Variants in TTC27 observed in about 807,000 individuals in gnomAD.
TTC27 encodes tetratricopeptide repeat domain 27, also known as tetratricopeptide repeat protein 27.
TTC27 carries 79 observed loss-of-function variants against 115.9 expected under a neutral mutation model. That is an observed-to-expected ratio of 0.68 (90% CI 0.57 to 0.82). TTC27 has a LOEUF of 0.82. TTC27 is among the 40% of genes least tolerant of loss of function. TTC27 has a pLI of 0.00. For synonymous variants in TTC27, 401 were observed against 356.0 expected, an observed-to-expected ratio of 1.13 and a Z score of -1.42; for missense variants, 1,054 against 993.1, an observed-to-expected ratio of 1.06 and a Z score of -0.82.
At chr2:32,818,899 T>C (rs1448643165) in intron 19 of TTC27, among the ~76,000 whole-genome samples, 2 of 152,170 alleles carry the variant, frequency 1.3e-5, no homozygotes, top group Non-Finnish European at 2.9e-5. Flanking sequence ...CTTACTTCAC[T>C]TTTCCTATTT....
chr2:32,778,097 G>T, intron 14 of TTC27, 117 bp downstream of exon 14: 1 of 888,610 alleles, frequency 1.1e-6, no homozygotes, highest in East Asian at 2.6e-5. Context: ...GTACATTTGA[G>T]GGAAGGTCGT....
chr2:32,668,846 G>A (rs575783449), intron 7 of TTC27, among the ~76,000 whole-genome samples: 1 of 152,010 alleles, frequency 6.6e-6, no homozygotes, highest in South Asian at 2.1e-4. Flanking sequence ...TTGGGAGGCC[G>A]AGGTGGACGG....
intron 5 of TTC27, among the ~76,000 whole-genome samples, chr2:32,662,020 G>T (rs1665566716): frequency 6.6e-6 from 1 of 152,164 alleles, no homozygotes; most frequent in South Asian, 2.1e-4. Flanking sequence ...CATCTATTGA[G>T]ATAATCTTAT....
At chr2:32,651,670 A>G (rs1294308582) in intron 5 of TTC27, among the ~76,000 whole-genome samples, 1 of 152,176 alleles carries the variant, frequency 6.6e-6, no homozygotes, top group African/African-American at 2.4e-5. Flanking sequence ...TACAGTAACA[A>G]GCTAGGCCAG....
chr2:32,644,158 G>A (rs1664758144), intron 4 of TTC27, among the ~76,000 whole-genome samples: 1 of 135,282 alleles, frequency 7.4e-6, no homozygotes, highest in African/African-American at 2.9e-5. Context: ...ACCAGCCTGA[G>A]CAACACAGCG....
intron 10 of TTC27, among the ~76,000 whole-genome samples, chr2:32,731,456 C>T (rs1045780350): frequency 8.5e-5 from 13 of 152,150 alleles, no homozygotes; most frequent in Admixed American, 7.2e-4. Context: ...CTCACTGCAG[C>T]CTTGACCTCC....
At chr2:32,645,719 CTTTTT>C (rs1266658245) in intron 4 of TTC27, among the ~76,000 whole-genome samples, 1 of 150,390 alleles carries the variant, frequency 6.6e-6, no homozygotes, top group Non-Finnish European at 1.5e-5. Flanking sequence ...TTTTTTCTTT[CTTTTT>C]TTATTTTTTT....
intron 9 of TTC27, among the ~76,000 whole-genome samples, chr2:32,692,040 T>TTTTTTTTGTTTTG (rs1666835630): frequency 9.0e-6 from 1 of 110,708 alleles, no homozygotes; most frequent in Non-Finnish European, 1.8e-5. Context: ...TTTTAGGTTT[T>TTTTTTTTGTTTTG]TTTTTTTTTT....
In TTC27 at chr2:32,815,223, A is replaced by ATTTTTTTTTTTTTTTT. The variant is rs533493768; in HGVS notation, c.2309-2218_2309-2203dup. 5.0e-4 allele frequency among the ~76,000 whole-genome samples: 28 copies of ATTTTTTTTTTTTTTTT among 55,512 alleles called. 8 individuals carry two copies. The highest frequency in any genetic ancestry group is 1.3e-3 in the East Asian group (2 of 1,494). 36.4% of individuals were successfully genotyped at this position (55,512 alleles called of 152,430 possible). A position where few individuals can be genotyped will look rare whatever the true frequency, so the allele number is the denominator to read the frequency against. On this transcript the variant is annotated intron_variant, in intron 18 of 19. Coordinates refer to ENST00000317907, the MANE Select transcript of TTC27 (RefSeq NM_017735.5). ...CATAGAGGAGGCACTGCTGCTTCAG[A>ATTTTTTTTTTTTTTTT]TTTTTTTTTTTTTTTTTTTTTTTTT...
chr2:32,742,071 T>C (rs1478538116), intron 12 of TTC27, among the ~76,000 whole-genome samples: 1 of 152,242 alleles, frequency 6.6e-6, no homozygotes, highest in East Asian at 1.9e-4. Context: ...TATTTTATAA[T>C]TGTCATATGC....
chr2:32,742,172 T>C (rs187515367), intron 12 of TTC27, among the ~76,000 whole-genome samples: 99 of 152,328 alleles, frequency 6.5e-4, no homozygotes, highest in African/African-American at 2.2e-3. Flanking sequence ...AGCTCAGACC[T>C]TTATTTCCTT....
chr2:32,656,609 G>A (rs1331178070), intron 5 of TTC27, among the ~76,000 whole-genome samples: 1 of 152,126 alleles, frequency 6.6e-6, no homozygotes, highest in African/African-American at 2.4e-5. Flanking sequence ...CCACGAAAGG[G>A]TTTTTAGAAT....
At chr2:32,755,989 T>C (rs1669219548) in intron 12 of TTC27, among the ~76,000 whole-genome samples, 1 of 152,350 alleles carries the variant, frequency 6.6e-6, no homozygotes. Context: ...TGGGATATCA[T>C]GGACTACCAG....
chr2:32,649,047 C>T (rs1227920345), intron 4 of TTC27, among the ~76,000 whole-genome samples: 1 of 152,104 alleles, frequency 6.6e-6, no homozygotes, highest in Non-Finnish European at 1.5e-5. Context: ...AAAGCAGTTT[C>T]TGCCCTCAGA....
chr2:32,812,841 T>TA (rs1671362727), intron 18 of TTC27, among the ~76,000 whole-genome samples: 1 of 152,210 alleles, frequency 6.6e-6, no homozygotes, highest in African/African-American at 2.4e-5. Context: ...TCTGTTGGAG[T>TA]AAGTAACAGA....
At chr2:32,782,573 A>G (rs1289876159) in intron 14 of TTC27, 53 bp from the exon 15 acceptor site, 3 of 1,552,670 alleles carry the variant, frequency 1.9e-6, no homozygotes, top group Non-Finnish European at 2.7e-6. Context: ...GGTTTAAGCA[A>G]TAATTTTACC....
intron 10 of TTC27, among the ~76,000 whole-genome samples, chr2:32,717,916 T>C (rs1366117796): frequency 6.6e-6 from 1 of 152,206 alleles, no homozygotes; most frequent in Non-Finnish European, 1.5e-5. Flanking sequence ...CCATATATTA[T>C]ACCTGCTTAT....
intron 16 of TTC27, among the ~76,000 whole-genome samples, chr2:32,800,026 C>A (rs754326806): frequency 2.6e-5 from 4 of 152,184 alleles, no homozygotes; most frequent in Non-Finnish European, 5.9e-5. Context: ...GTTACTTAAC[C>A]ACTTTGTGCC....
At chr2:32,675,895 G>A (rs1452422686) in intron 8 of TTC27, among the ~76,000 whole-genome samples, 10 of 151,928 alleles carry the variant, frequency 6.6e-5, no homozygotes, top group Non-Finnish European at 1.3e-4. Flanking sequence ...AGGTTCAAGC[G>A]ATTTTCTTGC....
Sources: allele counts gnomAD v4.1 joint callset (sites outside exome capture counted in the v4.1 genomes callset), GRCh38; gene constraint gnomAD v4.1.1; transcripts MANE v1.5; gene names NCBI Gene and HGNC (gene_info 2026-07-23, HGNC 2026-07-21).